The following EIF4E1B variants were observed in gnomAD, a reference collection of about 807,000 sequenced individuals.
EIF4E1B encodes the protein eukaryotic translation initiation factor 4E family member 1B.
A neutral mutation model predicts 31.3 loss-of-function variants in EIF4E1B; 22 were observed. That is an observed-to-expected ratio of 0.70 (90% CI 0.50 to 1.00). The LOEUF is 1.00. EIF4E1B is among the 50% of genes least tolerant of loss of function. The pLI is 0.00. For synonymous variants in EIF4E1B, 126 were observed against 120.2 expected (o/e 1.05, Z -0.31); for missense variants, 290 against 311.6 (o/e 0.93, Z 0.52).
rs575855249 is a variant in EIF4E1B at position 176,640,600 on chromosome 5, A to G, written c.-201-1443A>G. 2.0e-5 allele frequency among the ~76,000 whole-genome samples: 3 copies of G among 152,288 alleles called. No homozygotes were observed. The East Asian group carries it at 5.8e-4, about 29-fold the overall frequency. ...CCTCTGTCACCTGGACGACTACATT[A>G]GCATCCTAGTCAGTGTTTCCCCACA... On this transcript the variant is annotated intron_variant, in intron 1 of 8. Coordinates refer to ENST00000318682, the MANE Select transcript of EIF4E1B (RefSeq NM_001099408.2).
Position 176,645,220 on chromosome 5 carries a change from C to G in EIF4E1B, c.451C>G (p.Leu151Val), listed in dbSNP as rs746491387. The change falls in exon 7 of 9, where the codon CTG (leucine) becomes GTG (valine). Residue 151 changes from leucine (L) to valine (V), a missense_variant. Physicochemically the swap from Leu to Val is conservative, Grantham distance 32. Transcript: ENST00000318682. This position sits in a 1 kb window ranked among gnomAD's most constrained non-coding sequence, Gnocchi z 5.4. ...GGCCAAGCAGCAGCGCCACATTGAG[C>G]TGGACCGGCTGTGGCTGGAGACGGT... ...SLAKQQRHIE[L>V]DRLWLETLLC... The G allele has an allele frequency of 1.3e-6, 2 of 1,593,380 alleles. No homozygotes were observed. The highest frequency in any genetic ancestry group is 4.6e-5 in the East Asian group (2 of 43,734).
chr5:176,645,576 G>GGA lies in EIF4E1B; in HGVS notation c.614+62_614+63dup. On this transcript the variant is annotated intron_variant, in intron 8 of 8. Coordinates refer to ENST00000318682, the MANE Select transcript of EIF4E1B (RefSeq NM_001099408.2). The surrounding 1 kb of genome is among the most constrained non-coding windows in gnomAD (Gnocchi z 5.4). ...GGTCTCTGCTAGAGGGAAGGTGGGT[G>GGA]GAGGGGGCTTGGCCTGCATGGGAGA... is the stretch of plus-strand genomic sequence containing the variant. 7.4e-6 allele frequency: 11 copies of GGA among 1,477,254 alleles called. No individual in the cohort carries two copies. The highest frequency in any genetic ancestry group is 9.9e-6 in the Non-Finnish European group (11 of 1,114,888). The allele number at this position is 1,477,254 out of a possible 1,614,324, so 91.5% of individuals were successfully genotyped here.
chr5:176,639,394 C>T (rs2884529), intron 1 of EIF4E1B, among the ~76,000 whole-genome samples: 2 of 152,192 alleles, frequency 1.3e-5, no homozygotes, highest in African/African-American at 4.8e-5. Context: ...AGGGCCTCAG[C>T]GAGGGGCCAG....
In EIF4E1B at chr5:176,645,519, G is replaced by T; in HGVS notation, c.614+3G>T. The T allele has an allele frequency of 6.6e-7, 1 of 1,512,194 alleles. No homozygotes were observed. The allele number at this position is 1,512,194 out of a possible 1,614,324, so 93.7% of individuals were successfully genotyped here. On this transcript the variant is annotated splice_donor_region_variant and intron_variant, in intron 8 of 8. Coordinates refer to ENST00000318682, the MANE Select transcript of EIF4E1B (RefSeq NM_001099408.2). This position sits in a 1 kb window ranked among gnomAD's most constrained non-coding sequence, Gnocchi z 5.4. ...CAGGCGGGCGTGCTGCACGTTGGGT[G>T]AGGAGGGTCTCTGGCACAGGGTGGG... is the stretch of plus-strand genomic sequence containing the variant.
rs74700341 is a variant in EIF4E1B, at chr5:176,637,095, C to T, written c.-201-4948C>T. Among the ~76,000 whole-genome samples the T allele has an allele frequency of 2.6e-3, 393 of 152,330 alleles. 7 individuals are homozygous for T. In the East Asian group the frequency reaches 0.04, roughly 16 times the overall value. On this transcript the variant is annotated intron_variant, in intron 1 of 8. Coordinates refer to ENST00000318682, the MANE Select transcript of EIF4E1B (RefSeq NM_001099408.2). ...TGCTCCCTCTGACTTCTGAGTACTT[C>T]CCATAAGCCAGACGCTGTTGTAGGC...
At chr5:176,644,527 G>A in intron 6 of EIF4E1B, 88 bp downstream of exon 6, 1 of 1,323,976 alleles carries the variant, frequency 7.6e-7, no homozygotes, top group Non-Finnish European at 1.0e-6. Flanking sequence ...TCAGAGGGGT[G>A]GGGGTGGGGA....
Position 176,644,394 on chromosome 5 carries a change from G to C in EIF4E1B, c.315G>C (p.Gln105His). ...EDFWALYSHI[Q>H]LASKLSSGCD... ...TGTCCAGGCTATACAGTCACATCCA[G>C]CTGGCCAGCAAGCTCTCCTCTGGCT... The change falls in exon 6 of 9, where the codon CAG becomes CAC. Residue 105 changes from glutamine to histidine, a missense_variant. Gln to His is a conservative substitution (Grantham distance 24). Transcript: ENST00000318682. 6.3e-7 allele frequency: 1 copy of C among 1,594,292 alleles called. No individual in the cohort carries two copies. The highest frequency in any genetic ancestry group is 1.1e-5 in the South Asian group (1 of 87,586).
intron 3 of EIF4E1B, 61 bp downstream of exon 3, chr5:176,642,863 C>CAG: frequency 1.6e-6 from 2 of 1,264,032 alleles, no homozygotes; most frequent in Admixed American, 5.5e-5. Context: ...CCCCCCCCCC[C>CAG]CCGCCCCAGG....
At chr5:176,633,291 A>G (rs1201392296) in intron 1 of EIF4E1B, among the ~76,000 whole-genome samples, 1 of 152,076 alleles carries the variant, frequency 6.6e-6, no homozygotes, top group African/African-American at 2.4e-5. Flanking sequence ...GTGCAGTGGC[A>G]CAGTCAATCA....
Position 176,644,456 on chromosome 5 carries a change from T to C in EIF4E1B, c.360+17T>C. ...CTCTTCAAGGTAAGCTCTGCTCTCC[T>C]CTTTCCCTCCCGCAAAGGGACAAGG... is the stretch of plus-strand genomic sequence containing the variant. On this transcript the variant is annotated intron_variant, in intron 6 of 8. Transcript: ENST00000318682. 1 of 1,589,562 alleles carries C rather than the reference T, an allele frequency of 6.3e-7. No homozygotes were observed. The highest frequency in any genetic ancestry group is 1.7e-4 in the Middle Eastern group (1 of 6,036).
chr5:176,634,768 CA>C (rs1207796448), intron 1 of EIF4E1B, among the ~76,000 whole-genome samples: 2 of 147,662 alleles, frequency 1.4e-5, no homozygotes, highest in Non-Finnish European at 3.0e-5. Flanking sequence ...CTCCTGGGTT[CA>C]AAGGATTCTC....
chr5:176,645,852 C>A lies in EIF4E1B; in HGVS notation c.615-14C>A. 1 of 1,561,912 alleles carries A rather than the reference C, an allele frequency of 6.4e-7. No homozygotes were observed. The highest frequency in any genetic ancestry group is 8.7e-7 in the Non-Finnish European group (1 of 1,152,634). On this transcript the variant is annotated splice_polypyrimidine_tract_variant and intron_variant, in intron 8 of 8. Coordinates refer to ENST00000318682, the MANE Select transcript of EIF4E1B (RefSeq NM_001099408.2). The surrounding 1 kb of genome is among the most constrained non-coding windows in gnomAD (Gnocchi z 5.4). ...ACCTGTGTCTCTTTTCCTCTGTGTC[C>A]CCCGCACCTGCAGGCGTGTATACAA...
rs1464368637 is a variant in EIF4E1B at position 176,642,697 on chromosome 5, C to G, written c.-78-13C>G. 8 of 1,533,628 alleles carry G rather than the reference C, an allele frequency of 5.2e-6. No individual in the cohort carries two copies. Among genetic ancestry groups the G allele is most frequent in the Middle Eastern group, 1.7e-4 (1 of 5,892 alleles). ...CCTTCGAGCAGGCTCCAAATATTGACGCTTACCTTCAGGTCTTGGCCCCCA... is the reference window on the plus strand; with the variant it reads ...CCTTCGAGCAGGCTCCAAATATTGAGGCTTACCTTCAGGTCTTGGCCCCCA... On this transcript the variant is annotated splice_polypyrimidine_tract_variant and intron_variant, in intron 2 of 8. Transcript: ENST00000318682.
intron 1 of EIF4E1B, among the ~76,000 whole-genome samples, chr5:176,639,726 C>G (rs1231931834): frequency 2.0e-5 from 3 of 152,052 alleles, no homozygotes; most frequent in African/African-American, 7.3e-5. Flanking sequence ...GATTTGAGAC[C>G]AGTCTAGGCC....
At chr5:176,635,239 A>G (rs1760474496) in intron 1 of EIF4E1B, among the ~76,000 whole-genome samples, 1 of 152,004 alleles carries the variant, frequency 6.6e-6, no homozygotes, top group African/African-American at 2.4e-5. Context: ...GTGCACAAAG[A>G]CCTTGGGGAT....
intron 3 of EIF4E1B, 67 bp downstream of exon 3, chr5:176,642,869 C>CCCCCG: frequency 7.0e-7 from 1 of 1,435,226 alleles, no homozygotes; most frequent in Non-Finnish European, 9.4e-7. Flanking sequence ...CCCCCCCGCC[C>CCCCCG]CAGGTGGGCG....
chr5:176,646,149 A>G lies in EIF4E1B; in HGVS notation c.*169A>G. ...AGTTGGGGCCTGAGCCTTAGGGGCT[A>G]GATGGGGGTAGTGGTGGCAGTCTGA... On this transcript the variant is annotated 3_prime_UTR_variant, in exon 9 of 9. Coordinates refer to ENST00000318682, the MANE Select transcript of EIF4E1B (RefSeq NM_001099408.2). 5.0e-6 allele frequency: 3 copies of G among 594,562 alleles called. No individual in the cohort carries two copies. The highest frequency in any genetic ancestry group is 9.0e-6 in the Non-Finnish European group (3 of 332,924). The allele number at this position is 594,562 out of a possible 1,614,324, so 36.8% of individuals were successfully genotyped here.
In EIF4E1B at chr5:176,641,160, T is replaced by C. The variant is rs143835989; in HGVS notation, c.-201-883T>C. Among the ~76,000 whole-genome samples the C allele has an allele frequency of 4.2e-3, 639 of 151,840 alleles. 8 individuals are homozygous for C. Among genetic ancestry groups the C allele is most frequent in the African/African-American group, 0.014 (594 of 41,358 alleles). On this transcript the variant is annotated intron_variant, in intron 1 of 8. Coordinates refer to ENST00000318682, the MANE Select transcript of EIF4E1B (RefSeq NM_001099408.2). ...ATGGCAAAACCCTACCTCTACAAAA[T>C]AAAACAAAACAAAACAAAACTAGCC...
In EIF4E1B at chr5:176,638,988, A is replaced by G; in HGVS notation, c.-201-3055A>G. Among the ~76,000 whole-genome samples, 1 of 152,048 alleles carries G rather than the reference A, an allele frequency of 6.6e-6. No homozygotes were observed. Among genetic ancestry groups the G allele is most frequent in the Admixed American group, 6.6e-5 (1 of 15,260 alleles). ...TTTGTTTGTTTTATTTTTAGTAGAG[A>G]CACGGTTTTACCATGTTGGCCAGGC... On this transcript the variant is annotated intron_variant, in intron 1 of 8. Transcript: ENST00000318682. This position sits in a 1 kb window ranked among gnomAD's most constrained non-coding sequence, Gnocchi z 4.3.
Sources: gnomAD v4.1 joint callset for allele counts (sites outside exome capture counted in the v4.1 genomes callset) on GRCh38, gnomAD v4.1.1 for gene constraint, Gnocchi (gnomAD v3.1) non-coding constraint, MANE v1.5 for transcripts, NCBI Gene and HGNC (gene_info 2026-07-23, HGNC 2026-07-21) for gene names.